CSNK1D: variants seen among roughly 807,000 people sequenced by gnomAD.
CSNK1D encodes the protein casein kinase 1 delta, also known as casein kinase I isoform delta.
A neutral mutation model predicts 46.6 loss-of-function variants in CSNK1D; 16 were observed. That is an observed-to-expected ratio of 0.34 (90% CI 0.23 to 0.52). The LOEUF is 0.52. CSNK1D is among the 20% of genes least tolerant of loss of function. CSNK1D has a pLI of 0.95. For synonymous variants in CSNK1D, 276 were observed against 228.2 expected (o/e 1.21, Z -1.89); for missense variants, 398 against 578.4 (o/e 0.69, Z 3.20).
At chr17:82,253,739 T>A in intron 3 of CSNK1D, 1 of 329,004 alleles carries the variant, frequency 3.0e-6, no homozygotes, top group South Asian at 2.4e-5. Context: ...CACCGAAGCC[T>A]CCAGAAGCCT....
downstream of CSNK1D, among the ~76,000 whole-genome samples, chr17:82,241,863 G>A (rs912454649): frequency 6.6e-5 from 10 of 152,358 alleles, no homozygotes; most frequent in Non-Finnish European, 1.5e-4. Flanking sequence ...GGGAAGGAGT[G>A]CATCACAGGC....
intron 1 of CSNK1D, chr17:82,266,687 CG>C (rs2051476484): frequency 6.6e-6 from 1 of 152,536 alleles, no homozygotes; most frequent in Non-Finnish European, 1.5e-5. Context: ...GAGCTTTAAC[CG>C]AACAGGAGAG....
chr17:82,249,278 TG>T lies in CSNK1D; in HGVS notation c.1057+152del. 1.1e-6 allele frequency: 1 copy of T among 882,300 alleles called. No individual in the cohort carries two copies. The highest frequency in any genetic ancestry group is 1.7e-6 in the Non-Finnish European group (1 of 588,936). 54.7% of individuals were successfully genotyped at this position (882,300 alleles called of 1,614,324 possible). A position where few individuals can be genotyped will look rare whatever the true frequency, so the allele number is the denominator to read the frequency against. On this transcript the variant is annotated intron_variant, in intron 7 of 8. Transcript: ENST00000314028. The surrounding 1 kb of genome is among the most constrained non-coding windows in gnomAD (Gnocchi z 6.7). The stretch of plus-strand genomic sequence containing the variant: ...AGGTGCCGGCATTTCTAAAGGCGCC[TG>T]GGCAGCCTGGCTCATCCACCCTCAG...
rs1027630859 is a variant in CSNK1D, at chr17:82,243,489, G to A, written c.*1292C>T. 54 of 985,422 alleles carry A rather than the reference G, an allele frequency of 5.5e-5. No individual in the cohort carries two copies. Among genetic ancestry groups the A allele is most frequent in the Admixed American group, 1.8e-4 (3 of 16,272 alleles). 61.0% of individuals were successfully genotyped at this position (985,422 alleles called of 1,614,324 possible). ...GCCTGGGGCAGCACCAGCTCACGGA[G>A]GCCACCTGCCTTCTGGTGGGACTCG... On this transcript the variant is annotated 3_prime_UTR_variant, in exon 9 of 9. Transcript: ENST00000314028.
At position 82,255,654 on chromosome 17, in the gene CSNK1D, C is replaced by T. The variant is rs1229289450; in HGVS notation, c.188-77G>A. On this transcript the variant is annotated intron_variant, in intron 2 of 8. Transcript: ENST00000314028. The surrounding 1 kb of genome is among the most constrained non-coding windows in gnomAD (Gnocchi z 5.9). ...CACACTAAGTCTGCACTGTGCACAC[C>T]AAGGGGTCATGGTGACAATCCTGAA... 4 of 1,566,566 alleles carry T rather than the reference C, an allele frequency of 2.6e-6. No homozygotes were observed. In the African/African-American group the frequency reaches 5.4e-5, roughly 21 times the overall value.
In CSNK1D at chr17:82,255,756, C is replaced by A. The variant is rs116389388; in HGVS notation, c.188-179G>T. Among the ~76,000 whole-genome samples, 241 of 152,344 alleles carry A rather than the reference C, an allele frequency of 1.6e-3. No individual in the cohort carries two copies. Among genetic ancestry groups the A allele is most frequent in the African/African-American group, 5.6e-3 (232 of 41,588 alleles). On this transcript the variant is annotated intron_variant, in intron 2 of 8. Coordinates refer to ENST00000314028, the MANE Select transcript of CSNK1D (RefSeq NM_001893.6). The surrounding 1 kb of genome is among the most constrained non-coding windows in gnomAD (Gnocchi z 5.9). ...ACCCATCCTCGAGATTAGGCCCCAT[C>A]TATTAGCAAATGGCCTGAGGCAGAC...
chr17:82,240,274 C>G (rs1048717553), downstream of CSNK1D, among the ~76,000 whole-genome samples: 1 of 152,212 alleles, frequency 6.6e-6, no homozygotes, highest in African/African-American at 2.4e-5. Flanking sequence ...GCCCATGTGT[C>G]TCGGCAGAGT....
intron 2 of CSNK1D, among the ~76,000 whole-genome samples, chr17:82,261,961 T>G (rs551322043): frequency 6.6e-6 from 1 of 152,282 alleles, no homozygotes; most frequent in Non-Finnish European, 1.5e-5. Context: ...TAAGTAAATG[T>G]CCTTTGCTGA....
chr17:82,247,490 A>C (rs1388852155), intron 8 of CSNK1D: 1 of 985,378 alleles, frequency 1.0e-6, no homozygotes, highest in African/African-American at 1.7e-5. Context: ...TTGTCAGCCA[A>C]GCGCTGGGGC....
Position 82,255,662 on chromosome 17 carries a change from C to T in CSNK1D, c.188-85G>A. 3 of 1,542,560 alleles carry T rather than the reference C, an allele frequency of 1.9e-6. No individual in the cohort carries two copies. Among genetic ancestry groups the T allele is most frequent in the Admixed American group, 3.3e-5 (2 of 59,936 alleles). On this transcript the variant is annotated intron_variant, in intron 2 of 8. Transcript: ENST00000314028. The surrounding 1 kb of genome is among the most constrained non-coding windows in gnomAD (Gnocchi z 5.9). Reference sequence around the variant, plus strand: ...GTCTGCACTGTGCACACCAAGGGGTCATGGTGACAATCCTGAACGGGGGAG... The same window carrying T: ...GTCTGCACTGTGCACACCAAGGGGTTATGGTGACAATCCTGAACGGGGGAG...
intron 8 of CSNK1D, chr17:82,247,019 T>TC (rs2050867771): frequency 1.0e-6 from 1 of 985,276 alleles, no homozygotes; most frequent in Non-Finnish European, 1.2e-6. Context: ...GCCAAAGCCT[T>TC]CCTGTGAGAT....
At position 82,251,991 on chromosome 17, in the gene CSNK1D, CT is replaced by C; in HGVS notation, c.736+442del. The C allele has an allele frequency of 6.6e-6, 2 of 304,110 alleles. No homozygotes were observed. Among genetic ancestry groups the C allele is most frequent in the South Asian group, 6.1e-5 (2 of 32,622 alleles). The allele number at this position is 304,110 out of a possible 1,614,324, so 18.8% of individuals were successfully genotyped here. ...CCTTGGCGACAGAGTGAGACTGTGT[CT>C]TAAAAAAAAAAAAGAAGTCATAAAG... is the stretch of plus-strand genomic sequence containing the variant. On this transcript the variant is annotated intron_variant, in intron 5 of 8. Transcript: ENST00000314028. This position sits in a 1 kb window ranked among gnomAD's most constrained non-coding sequence, Gnocchi z 4.5.
chr17:82,260,113 T>C (rs1444038991), intron 2 of CSNK1D, among the ~76,000 whole-genome samples: 4 of 147,846 alleles, frequency 2.7e-5, no homozygotes, highest in Admixed American at 2.0e-4. Context: ...GATGGTGTAC[T>C]GACTGATGTG....
chr17:82,245,935 ACCTGGCGCTGCTG>A, intron 8 of CSNK1D: 2 of 1,570,616 alleles, frequency 1.3e-6, no homozygotes, highest in Non-Finnish European at 8.6e-7. Flanking sequence ...GCTCCCACCC[ACCTGGCGCTGCTG>A]CCTGGCGCCC....
At position 82,251,321 on chromosome 17, in the gene CSNK1D, ACTGACAAGCCATCCCCC is replaced by A; in HGVS notation, c.885+41_885+57del. 6.2e-7 allele frequency: 1 copy of A among 1,608,102 alleles called. No homozygotes were observed. Among genetic ancestry groups the A allele is most frequent in the Non-Finnish European group, 8.5e-7 (1 of 1,175,140 alleles). On this transcript the variant is annotated intron_variant, in intron 6 of 8. Coordinates refer to ENST00000314028, the MANE Select transcript of CSNK1D (RefSeq NM_001893.6). This position sits in a 1 kb window ranked among gnomAD's most constrained non-coding sequence, Gnocchi z 4.5. ...TCAACAAGACGGCCGCCGGCCTCTC[ACTGACAAGCCATCCCCC>A]GCACACCACACTCAGCGAACGTGCT...
At chr17:82,264,830 C>A (rs2051427342) in intron 2 of CSNK1D, among the ~76,000 whole-genome samples, 1 of 148,442 alleles carries the variant, frequency 6.7e-6, no homozygotes, top group Non-Finnish European at 1.5e-5. Flanking sequence ...CGGAGTCTCG[C>A]TCTTTCATCC....
At position 82,260,321 on chromosome 17, in the gene CSNK1D, GTGATGTGACTGATGGTGTACTGAC is replaced by G. The variant is rs1314645809; in HGVS notation, c.188-4768_188-4745del. 6.3e-3 allele frequency among the ~76,000 whole-genome samples: 871 copies of G among 137,880 alleles called. 9 individuals carry two copies. The highest frequency in any genetic ancestry group is 0.012 in the Non-Finnish European group (694 of 59,418). 90.5% of individuals were successfully genotyped at this position (137,880 alleles called of 152,430 possible). A position where few individuals can be genotyped will look rare whatever the true frequency, so the allele number is the denominator to read the frequency against. ...AGTGTATTGACTGATGGTGTACTGA[GTGATGTGACTGATGGTGTACTGAC>G]TGATGTGACTGATGGTGTACGGACT... On this transcript the variant is annotated intron_variant, in intron 2 of 8. Transcript: ENST00000314028.
intron 1 of CSNK1D, among the ~76,000 whole-genome samples, chr17:82,267,491 C>T (rs2051507540): frequency 6.6e-6 from 1 of 152,102 alleles, no homozygotes; most frequent in African/African-American, 2.4e-5. Context: ...CTGCTGCGTT[C>T]CACAGGAATC....
At chr17:82,258,312 GTATA>G (rs1298056124) in intron 2 of CSNK1D, among the ~76,000 whole-genome samples, 1 of 149,446 alleles carries the variant, frequency 6.7e-6, no homozygotes, top group African/African-American at 2.5e-5. Context: ...AAACATAAAT[GTATA>G]TATAAACCTG....
Sources: allele counts gnomAD v4.1 joint callset (sites outside exome capture counted in the v4.1 genomes callset), GRCh38; gene constraint gnomAD v4.1.1; non-coding constraint Gnocchi (gnomAD v3.1); transcripts MANE v1.5; gene names NCBI Gene and HGNC (gene_info 2026-07-23, HGNC 2026-07-21).